Variants in MACROH2A1 observed in about 807,000 individuals in gnomAD.
MACROH2A1 encodes the protein macroH2A.1 histone.
Under a neutral mutation model 31.6 loss-of-function variants are expected in MACROH2A1, and 2 were observed. That is an observed-to-expected ratio of 0.06 (90% CI 0.03 to 0.20). The LOEUF is 0.20. MACROH2A1 is among the 10% of genes least tolerant of loss of function. MACROH2A1 has a pLI of 1.00. For missense variants in MACROH2A1, 230 were observed against 474.0 expected, an observed-to-expected ratio of 0.49 and a Z score of 4.78; for synonymous variants, 169 against 189.6, an observed-to-expected ratio of 0.89 and a Z score of 0.89.
intron 8 of MACROH2A1, among the ~76,000 whole-genome samples, chr5:135,341,455 C>T (rs1049772659): frequency 3.9e-5 from 6 of 152,158 alleles, no homozygotes; most frequent in African/African-American, 1.2e-4. Context: ...CGGCGGGTGG[C>T]GGGCAGTGAT....
At chr5:135,385,421 G>C (rs1766264133) in intron 2 of MACROH2A1, among the ~76,000 whole-genome samples, 1 of 152,204 alleles carries the variant, frequency 6.6e-6, no homozygotes, top group African/African-American at 2.4e-5. Flanking sequence ...CTTTGGGGGT[G>C]GGGATGGGTT....
At chr5:135,363,008 C>T (rs1429549890) in intron 4 of MACROH2A1, 1 of 152,098 alleles carries the variant, frequency 6.6e-6, no homozygotes, top group African/African-American at 2.4e-5. Flanking sequence ...GTATTTGGGT[C>T]CTGGCTCCCC....
intron 7 of MACROH2A1, chr5:135,345,654 A>C: frequency 4.1e-6 from 1 of 245,162 alleles, no homozygotes; most frequent in Non-Finnish European, 7.8e-6. Flanking sequence ...AGTTTTGCAG[A>C]TGGCTCAGTA....
At position 135,369,247 on chromosome 5, in the gene MACROH2A1, G is replaced by A. The variant is rs922597038; in HGVS notation, c.477+159C>T. On this transcript the variant is annotated intron_variant, in intron 4 of 8. Coordinates refer to ENST00000511689, the MANE Select transcript of MACROH2A1 (RefSeq NM_138610.3). This position sits in a 1 kb window ranked among gnomAD's most constrained non-coding sequence, Gnocchi z 4.3. ...CTCCTGACTCTGGCTACTTGTGTTG[G>A]ACTAGCCCCTCTGGAGAGTAATCAG... The A allele has an allele frequency of 9.9e-6, 7 of 706,522 alleles. No homozygotes were observed. Among genetic ancestry groups the A allele is most frequent in the Middle Eastern group, 2.8e-4 (1 of 3,536 alleles). The allele number at this position is 706,522 out of a possible 1,614,324, so 43.8% of individuals were successfully genotyped here.
intron 5 of MACROH2A1, chr5:135,358,678 C>T: frequency 1.1e-6 from 1 of 946,768 alleles, no homozygotes; most frequent in Non-Finnish European, 1.3e-6. Flanking sequence ...CTTTCATTCT[C>T]CATTTTTAAA....
rs930590922 is a variant in MACROH2A1 at position 135,395,896 on chromosome 5, G to C, written c.-34+3166C>G. 4.6e-5 allele frequency among the ~76,000 whole-genome samples: 7 copies of C among 152,352 alleles called. No homozygotes were observed. The South Asian group carries it at 1.2e-3, about 27-fold the overall frequency. On this transcript the variant is annotated intron_variant, in intron 1 of 8. Transcript: ENST00000511689. ...CAAACAGAAGAGACAGACCAACTGA[G>C]ATAGTAAATAAATCATAAACCATGC...
intron 8 of MACROH2A1, chr5:135,343,051 A>T: frequency 8.2e-7 from 1 of 1,214,874 alleles, no homozygotes; most frequent in Non-Finnish European, 1.1e-6. Context: ...ATCAAAACTT[A>T]AGTTTTATAT....
rs575513296 is a variant in MACROH2A1, at chr5:135,368,135, TAG to T, written c.477+1269_477+1270del. The stretch of plus-strand genomic sequence containing the variant: ...GGGTGGCATGTTGGCAAGAGGAATT[TAG>T]ATTTTGTGCATGCAAAGAAATACAG... On this transcript the variant is annotated intron_variant, in intron 4 of 8. Coordinates refer to ENST00000511689, the MANE Select transcript of MACROH2A1 (RefSeq NM_138610.3). Among the ~76,000 whole-genome samples the T allele has an allele frequency of 1.7e-3, 257 of 152,284 alleles. 2 individuals carry two copies. Among genetic ancestry groups the T allele is most frequent in the Admixed American group, 0.016 (245 of 15,300 alleles).
chr5:135,389,912 G>A (rs1766970090), intron 1 of MACROH2A1, among the ~76,000 whole-genome samples: 1 of 152,152 alleles, frequency 6.6e-6, no homozygotes, highest in Non-Finnish European at 1.5e-5. Flanking sequence ...CCATGGGTGG[G>A]GCAATCTGGG....
At chr5:135,358,102 T>A (rs984130664) in intron 5 of MACROH2A1, 3 of 984,564 alleles carry the variant, frequency 3.0e-6, no homozygotes, top group Non-Finnish European at 3.6e-6. Flanking sequence ...ATATTTTAAA[T>A]GTGCTTTTTG....
chr5:135,340,291 T>C (rs930488346), intron 8 of MACROH2A1, among the ~76,000 whole-genome samples: 3 of 152,186 alleles, frequency 2.0e-5, no homozygotes, highest in Non-Finnish European at 4.4e-5. Context: ...GTTCACCTTG[T>C]AGGGTTGCTG....
intron 2 of MACROH2A1, among the ~76,000 whole-genome samples, chr5:135,374,836 C>G (rs1397201763): frequency 6.6e-6 from 1 of 152,036 alleles, no homozygotes; most frequent in Non-Finnish European, 1.5e-5. Context: ...GAGGCTGTAA[C>G]CAAAATAAAT....
intron 2 of MACROH2A1, among the ~76,000 whole-genome samples, chr5:135,381,246 G>GA (rs766254317): frequency 2.4e-4 from 37 of 152,214 alleles, no homozygotes; most frequent in Admixed American, 1.6e-3. Context: ...GTATAAATGT[G>GA]AAAAAATATA....
At chr5:135,355,172 A>C in intron 5 of MACROH2A1, 1 of 456,040 alleles carries the variant, frequency 2.2e-6, no homozygotes, top group Non-Finnish European at 4.4e-6. Flanking sequence ...CGGGAGAACC[A>C]CCTGCTCTGT....
chr5:135,385,478 T>C (rs1369702364), intron 2 of MACROH2A1, among the ~76,000 whole-genome samples: 1 of 152,178 alleles, frequency 6.6e-6, no homozygotes, highest in African/African-American at 2.4e-5. Flanking sequence ...CAAGGAGAGC[T>C]TGAGTGGGTG....
chr5:135,369,987 A>G lies in MACROH2A1; in HGVS notation c.279+49T>C. On this transcript the variant is annotated intron_variant, in intron 3 of 8. Coordinates refer to ENST00000511689, the MANE Select transcript of MACROH2A1 (RefSeq NM_138610.3). This position sits in a 1 kb window ranked among gnomAD's most constrained non-coding sequence, Gnocchi z 4.3. Reference sequence around the variant, plus strand: ...AGCCTCTCAGCTATGTTTCTTGGGCAGTATGACCACCTGCTCAAACATCAG... The same window carrying G: ...AGCCTCTCAGCTATGTTTCTTGGGCGGTATGACCACCTGCTCAAACATCAG... The G allele has an allele frequency of 8.3e-7, 1 of 1,197,812 alleles. No individual in the cohort carries two copies. Among genetic ancestry groups the G allele is most frequent in the Non-Finnish European group, 1.2e-6 (1 of 808,698 alleles). 74.2% of individuals were successfully genotyped at this position (1,197,812 alleles called of 1,614,324 possible). A position where few individuals can be genotyped will look rare whatever the true frequency, so the allele number is the denominator to read the frequency against.
At chr5:135,340,646 C>G (rs1759673597) in intron 8 of MACROH2A1, among the ~76,000 whole-genome samples, 1 of 152,224 alleles carries the variant, frequency 6.6e-6, no homozygotes, top group Non-Finnish European at 1.5e-5. Flanking sequence ...TGGGCCTCAG[C>G]TAAGAGAGTG....
At chr5:135,379,966 G>T (rs1489925866) in intron 2 of MACROH2A1, among the ~76,000 whole-genome samples, 2 of 152,146 alleles carry the variant, frequency 1.3e-5, no homozygotes, top group Non-Finnish European at 2.9e-5. Context: ...CTGTTTGCCA[G>T]CAACAGCTGC....
rs978250373 is a variant in MACROH2A1, at chr5:135,373,473, T to C, written c.173-3331A>G. Among the ~76,000 whole-genome samples the C allele has an allele frequency of 6.6e-4, 101 of 152,178 alleles. 2 individuals carry two copies. Among genetic ancestry groups the C allele is most frequent in the Admixed American group, 1.3e-4 (2 of 15,286 alleles). ...TCGCAAGCTTTACCCCTTTATGCTCTTACTTTGTGACTGAAAAGTTCAGTA... is the reference window on the plus strand; with the variant it reads ...TCGCAAGCTTTACCCCTTTATGCTCCTACTTTGTGACTGAAAAGTTCAGTA... On this transcript the variant is annotated intron_variant, in intron 2 of 8. Coordinates refer to ENST00000511689, the MANE Select transcript of MACROH2A1 (RefSeq NM_138610.3).
Sources: allele counts gnomAD v4.1 joint callset (sites outside exome capture counted in the v4.1 genomes callset), GRCh38; gene constraint gnomAD v4.1.1; non-coding constraint Gnocchi (gnomAD v3.1); transcripts MANE v1.5; gene names NCBI Gene and HGNC (gene_info 2026-07-23, HGNC 2026-07-21).